ARHGEF9: variants seen among roughly 807,000 people sequenced by gnomAD.
The protein encoded by ARHGEF9 is Cdc42 guanine nucleotide exchange factor 9, also known as rho guanine nucleotide exchange factor 9.
A neutral mutation model predicts 41.3 loss-of-function variants in ARHGEF9; 2 were observed. The ratio of observed to expected loss-of-function variants is 0.05; its 90% CI spans 0.02 to 0.15. ARHGEF9 has a LOEUF of 0.15. Ranked by LOEUF, ARHGEF9 falls within the 10% of genes least tolerant of loss-of-function variation. ARHGEF9 has a pLI of 1.00. For synonymous variants in ARHGEF9, 160 were observed against 154.4 expected (o/e 1.04, Z -0.27); for missense variants, 225 against 424.7 (o/e 0.53, Z 4.13).
intron 1 of ARHGEF9, among the ~76,000 whole-genome samples, chrX:63,737,290 T>C (rs1461624208): frequency 1.8e-5 from 2 of 112,560 alleles, no homozygotes; most frequent in South Asian, 7.4e-4. Flanking sequence ...TAGGTGTAGC[T>C]TGATTCTGGA....
chrX:63,764,400 A>G (rs1163933645), intron 1 of ARHGEF9, among the ~76,000 whole-genome samples: 1 of 112,824 alleles, frequency 8.9e-6, no homozygotes, highest in Non-Finnish European at 1.9e-5. Context: ...CAAGTGTGGA[A>G]GACACTGTGG....
intron 4 of ARHGEF9, among the ~76,000 whole-genome samples, chrX:63,692,991 T>C (rs782388210): frequency 3.6e-5 from 4 of 111,754 alleles, no homozygotes; most frequent in Non-Finnish European, 3.8e-5. Context: ...CACTCATATG[T>C]GAGTAGGGGC....
intron 4 of ARHGEF9, among the ~76,000 whole-genome samples, chrX:63,685,261 T>C (rs1340208928): frequency 2.7e-5 from 3 of 111,339 alleles, no homozygotes; most frequent in African/African-American, 9.8e-5. Flanking sequence ...AACAATCAAA[T>C]TTTAAAAGGT....
At chrX:63,747,787 T>C (rs1190888923) in intron 1 of ARHGEF9, among the ~76,000 whole-genome samples, 2 of 112,497 alleles carry the variant, frequency 1.8e-5, no homozygotes, top group African/African-American at 3.2e-5. Context: ...CCGGAACTCT[T>C]TGAGCACAAA....
At chrX:63,700,254 A>G (rs1432484645) in intron 3 of ARHGEF9, among the ~76,000 whole-genome samples, 5 of 112,112 alleles carry the variant, frequency 4.5e-5, no homozygotes, top group African/African-American at 1.6e-4. Flanking sequence ...GAGTAGCTGG[A>G]TAACCCCAAA....
At chrX:63,748,837 GACAAA>G (rs1158933930) in intron 1 of ARHGEF9, among the ~76,000 whole-genome samples, 1 of 112,209 alleles carries the variant, frequency 8.9e-6, no homozygotes, top group Non-Finnish European at 1.9e-5. Flanking sequence ...ACATTTCACA[GACAAA>G]ACAAAGTTCT....
chrX:63,754,228 A>G, intron 1 of ARHGEF9: 1 of 1,082,393 alleles, frequency 9.2e-7, no homozygotes, highest in Non-Finnish European at 1.3e-6. Context: ...AATTTCACTC[A>G]AGCAATAGGC....
intron 3 of ARHGEF9, among the ~76,000 whole-genome samples, chrX:63,705,010 T>C (rs1334149217): frequency 8.9e-6 from 1 of 112,658 alleles, no homozygotes; most frequent in Non-Finnish European, 1.9e-5. Context: ...ATTACAGATA[T>C]ATGGTTACCT....
intron 1 of ARHGEF9, among the ~76,000 whole-genome samples, chrX:63,763,783 A>C (rs1170294714): frequency 2.7e-5 from 3 of 111,669 alleles, no homozygotes; most frequent in Non-Finnish European, 5.6e-5. Context: ...TTAATGAGTG[A>C]AAAGCTGTAA....
At chrX:63,780,056 TC>T (rs1413254437) in intron 1 of ARHGEF9, among the ~76,000 whole-genome samples, 1 of 111,759 alleles carries the variant, frequency 8.9e-6, no homozygotes, top group Non-Finnish European at 1.9e-5. Context: ...GAAGAACTTT[TC>T]CTTCTCTTTT....
intron 1 of ARHGEF9, among the ~76,000 whole-genome samples, chrX:63,738,928 C>T (rs1213498393): frequency 4.5e-5 from 5 of 111,141 alleles, no homozygotes; most frequent in Non-Finnish European, 9.4e-5. Flanking sequence ...TGACTGAACA[C>T]GAGAATCTGT....
At chrX:63,708,272 A>G (rs1556404225) in intron 2 of ARHGEF9, among the ~76,000 whole-genome samples, 1 of 112,262 alleles carries the variant, frequency 8.9e-6, no homozygotes. Context: ...AAACTCTGCT[A>G]TGGAAAGGGT....
At chrX:63,651,128 C>G (rs1397170392) in intron 8 of ARHGEF9, among the ~76,000 whole-genome samples, 36 of 110,911 alleles carry the variant, frequency 3.2e-4, no homozygotes, top group African/African-American at 1.1e-3. Context: ...AATAACAATG[C>G]CAAGCCGTTA....
In ARHGEF9 at chrX:63,687,160, G is replaced by T. The variant is rs1343834912; in HGVS notation, c.583-8588C>A. On this transcript the variant is annotated intron_variant, in intron 4 of 9. Transcript: ENST00000671741. Reference sequence around the variant, plus strand: ...AAAGGCTGTTTAACAGCATCACGTTGCAGGAAGCACACTTCATCAGTCCTC... The same window carrying T: ...AAAGGCTGTTTAACAGCATCACGTTTCAGGAAGCACACTTCATCAGTCCTC... Among the ~76,000 whole-genome samples the T allele has an allele frequency of 4.5e-5, 5 of 111,640 alleles. No individual in the cohort carries two copies. The East Asian group carries it at 1.4e-3, about 31-fold the overall frequency.
intron 4 of ARHGEF9, among the ~76,000 whole-genome samples, chrX:63,686,091 T>C (rs2050964998): frequency 1.8e-5 from 2 of 111,671 alleles, no homozygotes; most frequent in Admixed American, 1.9e-4. Context: ...GCAACATTCA[T>C]AATAGCAAAG....
intron 4 of ARHGEF9, among the ~76,000 whole-genome samples, chrX:63,689,994 G>A (rs1326461373): frequency 9.0e-6 from 1 of 111,218 alleles, no homozygotes; most frequent in African/African-American, 3.3e-5. Flanking sequence ...TAAAGCAAAA[G>A]CAGTACAAAG....
At chrX:63,654,171 AC>A (rs1211198612) in intron 8 of ARHGEF9, among the ~76,000 whole-genome samples, 2 of 109,726 alleles carry the variant, frequency 1.8e-5, no homozygotes, top group African/African-American at 6.6e-5. Context: ...AAAAAAAAAA[AC>A]CTCAACATTT....
At chrX:63,675,107 A>C (rs1233269698) in intron 5 of ARHGEF9, among the ~76,000 whole-genome samples, 1 of 111,704 alleles carries the variant, frequency 9.0e-6, no homozygotes, top group Non-Finnish European at 1.9e-5. Flanking sequence ...AGGATAGTAG[A>C]TAGCTGTAGG....
intron 1 of ARHGEF9, among the ~76,000 whole-genome samples, chrX:63,726,261 A>T (rs782141792): frequency 8.9e-6 from 1 of 112,613 alleles, no homozygotes; most frequent in Admixed American, 9.3e-5. Flanking sequence ...ACGCTTTGCT[A>T]AGTGTTTTCA....
Sources: gnomAD v4.1 joint callset for allele counts (sites outside exome capture counted in the v4.1 genomes callset) on GRCh38, gnomAD v4.1.1 for gene constraint, MANE v1.5 for transcripts, NCBI Gene and HGNC (gene_info 2026-07-23, HGNC 2026-07-21) for gene names.